TMEM131L: variants seen among roughly 807,000 people sequenced by gnomAD.
TMEM131L encodes transmembrane 131 like.
TMEM131L carries 54 observed loss-of-function variants against 192.2 expected under a neutral mutation model. That is an observed-to-expected ratio of 0.28 (90% CI 0.23 to 0.35). The LOEUF (loss-of-function observed/expected upper bound fraction) is 0.35, where lower values mean the gene tolerates loss of function less well. TMEM131L is among the 10% of genes least tolerant of loss of function. The pLI is 1.00. For missense variants in TMEM131L, 1,888 were observed against 1,972.9 expected, an observed-to-expected ratio of 0.96 and a Z score of 0.82; for synonymous variants, 701 against 704.9, an observed-to-expected ratio of 0.99 and a Z score of 0.09.
intron 3 of TMEM131L, among the ~76,000 whole-genome samples, chr4:153,510,579 A>G (rs1734286003): frequency 6.6e-6 from 1 of 152,152 alleles, no homozygotes; most frequent in Non-Finnish European, 1.5e-5. Flanking sequence ...AATGTTTCCC[A>G]TTTTTGCATT....
intron 13 of TMEM131L, 56 bp from the exon 14 acceptor site, chr4:153,586,153 T>C: frequency 7.9e-7 from 1 of 1,267,204 alleles, no homozygotes; most frequent in African/African-American, 1.5e-5. Flanking sequence ...TTTATAATGA[T>C]TTTAATCATA....
At chr4:153,592,445 G>A in intron 17 of TMEM131L, 30 bp from the exon 18 acceptor site, 4 of 1,477,754 alleles carry the variant, frequency 2.7e-6, no homozygotes, top group Non-Finnish European at 3.8e-6. Flanking sequence ...GTCCCTCTCG[G>A]GGTTTTAACT....
At chr4:153,545,196 C>T (rs1198552564) in intron 3 of TMEM131L, among the ~76,000 whole-genome samples, 3 of 152,024 alleles carry the variant, frequency 2.0e-5, no homozygotes, top group Non-Finnish European at 4.4e-5. Context: ...AAACTGAATC[C>T]CTGTGTCACA....
chr4:153,574,121 A>AG (rs111636503), intron 7 of TMEM131L, among the ~76,000 whole-genome samples: 16,216 of 152,174 alleles, frequency 0.11, 2,591 homozygotes, highest in African/African-American at 0.35. Flanking sequence ...GTGTTGGCTA[A>AG]GCACTTGGCC....
intron 3 of TMEM131L, among the ~76,000 whole-genome samples, chr4:153,494,917 A>AC (rs1447392787): frequency 1.3e-5 from 2 of 152,170 alleles, no homozygotes; most frequent in Admixed American, 1.3e-4. Flanking sequence ...TTCACCCTTT[A>AC]CCTGCGTGAT....
chr4:153,619,812 C>G (rs1174734936), intron 26 of TMEM131L, among the ~76,000 whole-genome samples: 7 of 152,190 alleles, frequency 4.6e-5, no homozygotes, highest in Admixed American at 4.6e-4. Flanking sequence ...CCAATCTTTG[C>G]TTTCCATGAA....
At chr4:153,538,873 GGT>G (rs1736545631) in intron 3 of TMEM131L, among the ~76,000 whole-genome samples, 1 of 152,218 alleles carries the variant, frequency 6.6e-6, no homozygotes, top group African/African-American at 2.4e-5. Flanking sequence ...CGTGGGACAA[GGT>G]GGAGACGTTT....
At chr4:153,489,827 A>G (rs550692327) in intron 3 of TMEM131L, among the ~76,000 whole-genome samples, 1 of 152,230 alleles carries the variant, frequency 6.6e-6, no homozygotes, top group East Asian at 1.9e-4. Context: ...AATAATGAGC[A>G]AATAGGCAAA....
At chr4:153,483,237 T>C (rs1466323723) in intron 3 of TMEM131L, among the ~76,000 whole-genome samples, 1 of 152,254 alleles carries the variant, frequency 6.6e-6, no homozygotes, top group East Asian at 1.9e-4. Flanking sequence ...GGAGAAGTGG[T>C]TTAACTCAGC....
chr4:153,636,311 C>A lies in TMEM131L; in HGVS notation c.4568C>A (p.Thr1523Lys). Residue 1523 changes from threonine (T) to lysine (K), a missense_variant, in exon 35 of 35, where the codon ACA (threonine) becomes AAA (lysine). Physicochemically the swap from Thr to Lys is moderately conservative, Grantham distance 78. Transcript: ENST00000409959. Reference sequence around the variant, plus strand: ...TCATTTATACTTCAGCCCTACCTCACAAGCACCCGAAGCTTGTCTCCAATG... The same window carrying A: ...TCATTTATACTTCAGCCCTACCTCAAAAGCACCCGAAGCTTGTCTCCAATG... ...ASFISSPPYL[T>K]STRSLSPMSG... The A allele has an allele frequency of 6.2e-7, 1 of 1,613,274 alleles. No individual in the cohort carries two copies. The highest frequency in any genetic ancestry group is 8.5e-7 in the Non-Finnish European group (1 of 1,179,364).
intron 20 of TMEM131L, among the ~76,000 whole-genome samples, chr4:153,597,376 A>C (rs770480297): frequency 6.6e-6 from 1 of 152,080 alleles, no homozygotes; most frequent in African/African-American, 2.4e-5. Flanking sequence ...AGGTTGAACT[A>C]TCTCAGGCTT....
Position 153,602,654 on chromosome 4 carries a change from C to A in TMEM131L, c.2566C>A (p.Pro856Thr). The change falls in exon 23 of 35, where the codon CCC (proline) becomes ACC (threonine). Residue 856 changes from proline to threonine, a missense_variant. Transcript: ENST00000409959. The stretch of plus-strand genomic sequence containing the variant: ...TGTGACTCTCCCTCATCACCTGTTG[C>A]CCTTGTGTGCAGACGTGGTTCCAGG... ...LNVTLPHHLL[P>T]LCADVVPGPS... The A allele has an allele frequency of 9.9e-6, 16 of 1,614,116 alleles. No homozygotes were observed. The highest frequency in any genetic ancestry group is 1.3e-5 in the Non-Finnish European group (15 of 1,179,994).
intron 3 of TMEM131L, among the ~76,000 whole-genome samples, chr4:153,534,392 G>T (rs1190652236): frequency 6.6e-6 from 1 of 152,062 alleles, no homozygotes; most frequent in Non-Finnish European, 1.5e-5. Flanking sequence ...TATTAAGAGG[G>T]TGAGATTTTA....
intron 3 of TMEM131L, among the ~76,000 whole-genome samples, chr4:153,547,064 G>A (rs538863637): frequency 1.2e-4 from 18 of 152,312 alleles, no homozygotes; most frequent in Admixed American, 3.3e-4. Flanking sequence ...ATAACTTAAT[G>A]TAGTATTTTT....
chr4:153,475,180 G>A (rs893448691), intron 3 of TMEM131L, among the ~76,000 whole-genome samples: 1 of 152,220 alleles, frequency 6.6e-6, no homozygotes, highest in African/African-American at 2.4e-5. Flanking sequence ...AGGAAAAAGT[G>A]ATCCACTCTG....
chr4:153,613,671 A>G (rs1163290816), intron 26 of TMEM131L, among the ~76,000 whole-genome samples: 1 of 152,168 alleles, frequency 6.6e-6, no homozygotes, highest in African/African-American at 2.4e-5. Context: ...AATTATATAT[A>G]TTCCTAGTGT....
intron 3 of TMEM131L, among the ~76,000 whole-genome samples, chr4:153,517,730 T>C (rs185815259): frequency 1.3e-5 from 2 of 152,326 alleles, no homozygotes. Flanking sequence ...TGGTTATGAT[T>C]AATCTTGTGT....
At chr4:153,570,783 C>T (rs570043419) in intron 7 of TMEM131L, among the ~76,000 whole-genome samples, 1 of 152,154 alleles carries the variant, frequency 6.6e-6, no homozygotes, top group Non-Finnish European at 1.5e-5. Context: ...AAACCTGCTT[C>T]TTAGGGAAGT....
At chr4:153,627,931 G>A (rs1485824465) in intron 31 of TMEM131L, among the ~76,000 whole-genome samples, 1 of 152,176 alleles carries the variant, frequency 6.6e-6, no homozygotes, top group East Asian at 1.9e-4. Flanking sequence ...AGGCACAGAT[G>A]CCCTATGTCC....
Sources: allele counts gnomAD v4.1 joint callset (sites outside exome capture counted in the v4.1 genomes callset), GRCh38; gene constraint gnomAD v4.1.1; transcripts MANE v1.5; gene names NCBI Gene and HGNC (gene_info 2026-07-23, HGNC 2026-07-21).